COL28A1: variants seen among roughly 807,000 people sequenced by gnomAD.
COL28A1 encodes the protein collagen type XXVIII alpha 1 chain.
COL28A1 carries 161 observed loss-of-function variants against 150.2 expected under a neutral mutation model. That is an observed-to-expected ratio of 1.07 (90% CI 0.94 to 1.22). COL28A1 has a LOEUF of 1.22. Ranked by LOEUF, COL28A1 falls within the 50% of genes most tolerant of loss-of-function variation. COL28A1 has a pLI of 0.00. For missense variants in COL28A1, 1,617 were observed against 1,388.3 expected, an observed-to-expected ratio of 1.16 and a Z score of -2.62; for synonymous variants, 552 against 469.7, an observed-to-expected ratio of 1.18 and a Z score of -2.26.
intron 13 of COL28A1, among the ~76,000 whole-genome samples, chr7:7,480,568 A>G (rs1211980027): frequency 6.6e-6 from 1 of 152,258 alleles, no homozygotes; most frequent in Non-Finnish European, 1.5e-5. Flanking sequence ...ACATACTTTA[A>G]CAAAGAAAAC....
intron 18 of COL28A1, among the ~76,000 whole-genome samples, chr7:7,447,076 T>C (rs1786319822): frequency 6.6e-6 from 1 of 152,130 alleles, no homozygotes; most frequent in Non-Finnish European, 1.5e-5. Context: ...AGGGCATAAA[T>C]TGGAGTTCTA....
chr7:7,422,173 A>C (rs1237592424), intron 25 of COL28A1, among the ~76,000 whole-genome samples: 1 of 152,214 alleles, frequency 6.6e-6, no homozygotes, highest in Non-Finnish European at 1.5e-5. Flanking sequence ...CCAACAAAAC[A>C]AGTCAAGCAT....
chr7:7,473,400 G>A (rs534617164), intron 15 of COL28A1, among the ~76,000 whole-genome samples: 8 of 152,078 alleles, frequency 5.3e-5, no homozygotes, highest in South Asian at 2.1e-4. Context: ...CACAATTCTC[G>A]AGAAGATATA....
chr7:7,393,436 G>A (rs1782660444), intron 27 of COL28A1, among the ~76,000 whole-genome samples: 1 of 152,232 alleles, frequency 6.6e-6, no homozygotes, highest in Non-Finnish European at 1.5e-5. Flanking sequence ...AGGGTTCAGG[G>A]ACCCACTTGA....
chr7:7,397,779 C>T (rs1782924815), intron 27 of COL28A1, among the ~76,000 whole-genome samples: 1 of 152,124 alleles, frequency 6.6e-6, no homozygotes, highest in Non-Finnish European at 1.5e-5. Flanking sequence ...GTACAGGTAC[C>T]TTACCCCCTA....
chr7:7,381,588 G>A lies in COL28A1; in HGVS notation c.2161C>T (p.Pro721Ser), dbSNP rs1781876328. The A allele has an allele frequency of 1.9e-6, 3 of 1,613,744 alleles. No individual in the cohort carries two copies. Among genetic ancestry groups the A allele is most frequent in the African/African-American group, 1.3e-5 (1 of 74,918 alleles). Reference protein sequence around the residue: ...IKGEQGPQGFPGPKGTMGHGL... With the variant: ...IKGEQGPQGFSGPKGTMGHGL... ...TGGCCCATTGTGCCCTTTGGGCCTG[G>A]GAAGCCTTGTGGTCCTTGTTCCCCC... Residue 721 changes from proline (P) to serine (S), a missense_variant, in exon 28 of 35, where the codon CCA becomes TCA. Pro to Ser is a moderately conservative substitution (Grantham distance 74). Coordinates refer to ENST00000399429, the MANE Select transcript of COL28A1 (RefSeq NM_001037763.3).
In COL28A1 at chr7:7,381,613, C is replaced by G. The variant is rs555065828; in HGVS notation, c.2137-1G>C. 1.5e-5 allele frequency: 24 copies of G among 1,611,796 alleles called. No homozygotes were observed. In the South Asian group the frequency reaches 2.6e-4, roughly 18 times the overall value. On this transcript the variant is annotated splice_acceptor_variant, in intron 27 of 34. Transcript: ENST00000399429. LOFTEE classifies it high-confidence loss of function. ...GGAAGCCTTGTGGTCCTTGTTCCCC[C>G]TACATAGGATATGAGAAAGAGATGT...
At chr7:7,359,856 T>A (rs539463851) in intron 34 of COL28A1, among the ~76,000 whole-genome samples, 1 of 152,294 alleles carries the variant, frequency 6.6e-6, no homozygotes, top group African/African-American at 2.4e-5. Context: ...TATTGTGTAA[T>A]TCATTTTAAA....
intron 27 of COL28A1, among the ~76,000 whole-genome samples, chr7:7,388,457 G>A (rs115827635): frequency 0.018 from 2,800 of 152,142 alleles, 76 homozygotes; most frequent in African/African-American, 0.062. Context: ...TGTGAACAGC[G>A]CCGCGATAAA....
chr7:7,418,975 A>G (rs769389275), intron 26 of COL28A1, among the ~76,000 whole-genome samples: 5 of 152,212 alleles, frequency 3.3e-5, no homozygotes, highest in Non-Finnish European at 5.9e-5. Flanking sequence ...TGACTCATAC[A>G]GCCTTTTCCC....
Position 7,360,455 on chromosome 7 carries a change from G to A in COL28A1, c.3140C>T (p.Thr1047Ile), listed in dbSNP as rs1780589526. 2.5e-6 allele frequency: 4 copies of A among 1,609,162 alleles called. No homozygotes were observed. The highest frequency in any genetic ancestry group is 3.4e-6 in the Non-Finnish European group (4 of 1,178,584). Residue 1047 changes from threonine (T) to isoleucine (I), a missense_variant, in exon 34 of 35, where the codon ACT (threonine) becomes ATT (isoleucine). By Grantham distance (89) the Thr-to-Ile change is moderately conservative. Transcript: ENST00000399429. ...GGTGGTGGTGGCCTCAGATGAGGTA[G>A]TGGCAGGCAGATCATCAGCCCACGT... is the stretch of plus-strand genomic sequence containing the variant. ...EPTWADDLPA[T>I]TSSEATTTPR...
At chr7:7,378,541 G>T (rs567843831) in intron 30 of COL28A1, among the ~76,000 whole-genome samples, 1 of 152,318 alleles carries the variant, frequency 6.6e-6, no homozygotes, top group South Asian at 2.1e-4. Context: ...TAAAAGAGGA[G>T]TTTGTTAGTC....
chr7:7,395,578 C>T (rs1401121762), intron 27 of COL28A1, among the ~76,000 whole-genome samples: 1 of 152,168 alleles, frequency 6.6e-6, no homozygotes, highest in Non-Finnish European at 1.5e-5. Context: ...CCTGGTTACA[C>T]ATTACAAACA....
chr7:7,347,657 G>A, the COL28A1 span, among the ~76,000 whole-genome samples: 1 of 152,066 alleles, frequency 6.6e-6, no homozygotes, highest in Non-Finnish European at 1.5e-5. Context: ...GCAAAGATGA[G>A]GAAGACTTTA....
intron 14 of COL28A1, 38 bp downstream of exon 14, chr7:7,477,074 G>C: frequency 1.1e-6 from 1 of 891,616 alleles, no homozygotes; most frequent in East Asian, 2.4e-5. Flanking sequence ...GAGCATGTAA[G>C]ACAAAGCACC....
intron 11 of COL28A1, among the ~76,000 whole-genome samples, chr7:7,495,069 A>T (rs1319485823): frequency 6.6e-6 from 1 of 152,220 alleles, no homozygotes; most frequent in Admixed American, 6.5e-5. Flanking sequence ...ATGCAAGTAG[A>T]CAGCGAGCCA....
At position 7,370,868 on chromosome 7, in the gene COL28A1, T is replaced by C. The variant is rs1003492852; in HGVS notation, c.2923A>G (p.Lys975Glu). 5.0e-6 allele frequency: 8 copies of C among 1,611,726 alleles called. No homozygotes were observed. Among genetic ancestry groups the C allele is most frequent in the Admixed American group, 1.7e-5 (1 of 59,866 alleles). The change falls in exon 33 of 35, where the codon AAA (lysine) becomes GAA (glutamate). Residue 975 changes from lysine to glutamate, a missense_variant. Physicochemically the swap from Lys to Glu is moderately conservative, Grantham distance 56. Transcript: ENST00000399429. Reference sequence around the variant, plus strand: ...TCCTCACAAATTTTTTGAAACAATTTTTGCTTCAGGGTGTCTTTTAAAAAA... The same window carrying C: ...TCCTCACAAATTTTTTGAAACAATTCTTGCTTCAGGGTGTCTTTTAAAAAA... Reference protein sequence around the residue: ...FFTLQDTLKQKLFQKICEDFD... With the variant: ...FFTLQDTLKQELFQKICEDFD...
chr7:7,417,882 C>G lies in COL28A1; in HGVS notation c.2113G>C (p.Gly705Arg). 2 of 1,613,460 alleles carry G rather than the reference C, an allele frequency of 1.2e-6. No homozygotes were observed. Among genetic ancestry groups the G allele is most frequent in the Non-Finnish European group, 1.7e-6 (2 of 1,179,708 alleles). The change falls in exon 27 of 35, where the codon GGC becomes CGC. Residue 705 changes from glycine to arginine, a missense_variant. Gly to Arg is a moderately radical substitution (Grantham distance 125). Coordinates refer to ENST00000399429, the MANE Select transcript of COL28A1 (RefSeq NM_001037763.3). ...ACTTTAATTCCCTGTGATCCATAGCCAGGGGGGCCAGGAGGGCCAGGCAAG... is the reference window on the plus strand; with the variant it reads ...ACTTTAATTCCCTGTGATCCATAGCGAGGGGGGCCAGGAGGGCCAGGCAAG... ...KGLPGPPGPPGYGSQGIKGEQ... is the reference protein window; with the variant it reads ...KGLPGPPGPPRYGSQGIKGEQ...
chr7:7,338,419 T>C, the COL28A1 span, among the ~76,000 whole-genome samples: 93,398 of 152,058 alleles, frequency 0.61, 32,801 homozygotes, highest in East Asian at 0.87. Flanking sequence ...GCTCCTTTGT[T>C]AGATGTATTC....
Sources: gnomAD v4.1 joint callset for allele counts (sites outside exome capture counted in the v4.1 genomes callset) on GRCh38, gnomAD v4.1.1 for gene constraint, MANE v1.5 for transcripts, NCBI Gene and HGNC (gene_info 2026-07-23, HGNC 2026-07-21) for gene names.